MALRD1: variants seen among roughly 807,000 people sequenced by gnomAD.
MALRD1 encodes MAM and LDL-receptor class A domain-containing protein 1.
MALRD1 carries 247 observed loss-of-function variants against 242.1 expected under a neutral mutation model. The ratio of observed to expected loss-of-function variants is 1.02; its 90% CI spans 0.92 to 1.13. The LOEUF is 1.13. Among genes scored for constraint, MALRD1 ranks in the 50% most tolerant of loss-of-function variants. The pLI is 0.00. For synonymous variants in MALRD1, 995 were observed against 866.6 expected, an observed-to-expected ratio of 1.15 and a Z score of -2.60; for missense variants, 2,989 against 2,533.1, an observed-to-expected ratio of 1.18 and a Z score of -3.86.
At chr10:19,163,109 G>A (rs1834504941) in intron 12 of MALRD1, among the ~76,000 whole-genome samples, 1 of 112,266 alleles carries the variant, frequency 8.9e-6, no homozygotes, top group Non-Finnish European at 1.6e-5. Context: ...CTGCACTCCA[G>A]CCTGAACAAC....
chr10:19,406,250 G>C (rs1010061508), intron 28 of MALRD1, among the ~76,000 whole-genome samples: 2 of 152,136 alleles, frequency 1.3e-5, no homozygotes, highest in African/African-American at 4.8e-5. Flanking sequence ...AGGAAAGGGA[G>C]AAAAAGTAAA....
intron 34 of MALRD1, chr10:19,598,314 G>A (rs1169712737): frequency 6.6e-6 from 1 of 152,040 alleles, no homozygotes; most frequent in Non-Finnish European, 1.5e-5. Flanking sequence ...CATGTAGTAG[G>A]GCACCAGAAG....
chr10:19,630,156 T>C (rs1398821653), intron 36 of MALRD1, among the ~76,000 whole-genome samples: 1 of 152,182 alleles, frequency 6.6e-6, no homozygotes, highest in Non-Finnish European at 1.5e-5. Flanking sequence ...TTATTTTCCT[T>C]ATGTCCATCA....
chr10:19,360,413 A>G (rs1564593454), intron 26 of MALRD1, among the ~76,000 whole-genome samples: 1 of 152,120 alleles, frequency 6.6e-6, no homozygotes, highest in Non-Finnish European at 1.5e-5. Context: ...TCCTTTAAAT[A>G]TAAGATATTT....
chr10:19,079,051 G>A (rs1590398051), intron 2 of MALRD1, among the ~76,000 whole-genome samples: 2 of 150,506 alleles, frequency 1.3e-5, no homozygotes, highest in East Asian at 2.0e-4. Context: ...TTTGGGTTTA[G>A]TTTTCTCTTC....
At chr10:19,469,286 CT>C (rs1836378282) in intron 29 of MALRD1, among the ~76,000 whole-genome samples, 1 of 152,092 alleles carries the variant, frequency 6.6e-6, no homozygotes, top group Admixed American at 6.5e-5. Flanking sequence ...TTTATGTGTT[CT>C]TGTCGAATTA....
rs933106892 is a variant in MALRD1 at position 19,140,409 on chromosome 10, G to T, written c.1411+3628G>T. 6.6e-5 allele frequency among the ~76,000 whole-genome samples: 10 copies of T among 152,154 alleles called. No individual in the cohort carries two copies. In the East Asian group the frequency reaches 1.9e-3, roughly 29 times the overall value. On this transcript the variant is annotated intron_variant, in intron 10 of 39. Transcript: ENST00000454679. Reference sequence around the variant, plus strand: ...TTTTGATGTTTATTAACATAATCCTGTATTAAATGAGGGCAGTTAAGATTA... The same window carrying T: ...TTTTGATGTTTATTAACATAATCCTTTATTAAATGAGGGCAGTTAAGATTA...
chr10:19,531,335 G>A lies in MALRD1; in HGVS notation c.5462G>A (p.Ser1821Asn), dbSNP rs1435992046. 1 of 1,543,442 alleles carries A rather than the reference G, an allele frequency of 6.5e-7. No homozygotes were observed. Among genetic ancestry groups the A allele is most frequent in the Non-Finnish European group, 8.8e-7 (1 of 1,142,192 alleles). Residue 1821 changes from serine to asparagine, a missense_variant, in exon 32 of 40, where the codon AGT (serine) becomes AAT (asparagine). Coordinates refer to ENST00000454679, the MANE Select transcript of MALRD1 (RefSeq NM_001142308.3). Reference sequence around the variant, plus strand: ...TGGTTCTACATGATTGATCCCAGGAGTATGGGAATATTAAAGGTACAAAAG... The same window carrying A: ...TGGTTCTACATGATTGATCCCAGGAATATGGGAATATTAAAGGTACAAAAG... The part of the protein sequence containing the change: ...RFWFYMIDPR[S>N]MGILKVYTIE...
chr10:19,531,398 A>G lies in MALRD1; in HGVS notation c.5478+47A>G, dbSNP rs1464698174. ...TTATGATCACTGAAATATGCATGAC[A>G]TGTTTAAACATTGTCTTCCCTTGTC... On this transcript the variant is annotated intron_variant, in intron 32 of 39. Coordinates refer to ENST00000454679, the MANE Select transcript of MALRD1 (RefSeq NM_001142308.3). 2.1e-6 allele frequency: 3 copies of G among 1,443,300 alleles called. No homozygotes were observed. The Admixed American group carries it at 6.6e-5, about 32-fold the overall frequency. The allele number at this position is 1,443,300 out of a possible 1,614,324, so 89.4% of individuals were successfully genotyped here.
intron 30 of MALRD1, among the ~76,000 whole-genome samples, chr10:19,493,926 G>A (rs1490334195): frequency 2.6e-5 from 4 of 152,162 alleles, no homozygotes; most frequent in Non-Finnish European, 4.4e-5. Context: ...TTCCCCACAA[G>A]ATGTACTAAG....
At chr10:19,477,763 C>T (rs1470674564) in intron 29 of MALRD1, among the ~76,000 whole-genome samples, 1 of 152,110 alleles carries the variant, frequency 6.6e-6, no homozygotes, top group African/African-American at 2.4e-5. Context: ...TACACAGGGC[C>T]CAAGAGATTG....
chr10:19,183,218 C>T (rs536006114), intron 14 of MALRD1, among the ~76,000 whole-genome samples: 1 of 150,548 alleles, frequency 6.6e-6, no homozygotes, highest in African/African-American at 2.4e-5. Context: ...TTTGTGAATC[C>T]TTTCATTAAA....
At chr10:19,583,852 C>T (rs1837253657) in intron 33 of MALRD1, among the ~76,000 whole-genome samples, 1 of 152,014 alleles carries the variant, frequency 6.6e-6, no homozygotes, top group Non-Finnish European at 1.5e-5. Flanking sequence ...TCCATCTAGT[C>T]CTGGACTCTT....
intron 2 of MALRD1, among the ~76,000 whole-genome samples, chr10:19,082,773 T>C (rs1408307872): frequency 6.6e-6 from 1 of 152,008 alleles, no homozygotes; most frequent in East Asian, 1.9e-4. Flanking sequence ...TAGTTATAGT[T>C]GTTTTGTTTG....
chr10:19,564,288 A>G (rs982842401), intron 32 of MALRD1, among the ~76,000 whole-genome samples: 6 of 152,184 alleles, frequency 3.9e-5, no homozygotes, highest in Admixed American at 3.9e-4. Flanking sequence ...AAAATTTAAC[A>G]TAGACTTAAT....
At chr10:19,122,641 T>C (rs1281682245) in intron 5 of MALRD1, among the ~76,000 whole-genome samples, 2 of 152,072 alleles carry the variant, frequency 1.3e-5, no homozygotes, top group African/African-American at 4.8e-5. Flanking sequence ...GGGAGAATTG[T>C]CTGCAAGTGG....
intron 34 of MALRD1, among the ~76,000 whole-genome samples, chr10:19,599,267 C>T (rs1274299371): frequency 1.3e-5 from 2 of 152,036 alleles, no homozygotes; most frequent in African/African-American, 2.4e-5. Flanking sequence ...TTGATATTTA[C>T]AGGCCTTTAT....
chr10:19,310,306 A>G (rs756560577), intron 21 of MALRD1, among the ~76,000 whole-genome samples: 4 of 151,550 alleles, frequency 2.6e-5, no homozygotes, highest in Non-Finnish European at 5.9e-5. Flanking sequence ...CATTGTTGAA[A>G]TCTTCTGAGT....
chr10:19,145,363 G>T (rs1237338092), intron 10 of MALRD1, among the ~76,000 whole-genome samples: 1 of 152,132 alleles, frequency 6.6e-6, no homozygotes, highest in East Asian at 1.9e-4. Flanking sequence ...ACAGGCTCAG[G>T]CTGGGCACAG....
Sources: allele counts gnomAD v4.1 joint callset (sites outside exome capture counted in the v4.1 genomes callset), GRCh38; gene constraint gnomAD v4.1.1; transcripts MANE v1.5; gene names NCBI Gene and HGNC (gene_info 2026-07-23, HGNC 2026-07-21).